XPO7: variants seen among roughly 807,000 people sequenced by gnomAD.
The protein encoded by XPO7 is exportin 7, also known as exportin-7.
XPO7 carries 21 observed loss-of-function variants against 144.3 expected under a neutral mutation model. The observed-to-expected ratio is 0.15, with a 90% CI of 0.10 to 0.21. The LOEUF (loss-of-function observed/expected upper bound fraction) is 0.21. Ranked by LOEUF, XPO7 falls within the 10% of genes least tolerant of loss-of-function variation. XPO7 has a pLI of 1.00. For missense variants in XPO7, 808 were observed against 1,325.8 expected (o/e 0.61, Z 6.06); for synonymous variants, 580 against 499.6 (o/e 1.16, Z -2.15).
intron 1 of XPO7, among the ~76,000 whole-genome samples, chr8:21,942,871 T>G (rs143918980): frequency 2.0e-5 from 3 of 152,366 alleles, no homozygotes; most frequent in Non-Finnish European, 1.5e-5. Flanking sequence ...AAGGGCAGTC[T>G]TACTTTAAAC....
At chr8:21,974,412 A>G (rs1812163147) in intron 5 of XPO7, among the ~76,000 whole-genome samples, 2 of 152,106 alleles carry the variant, frequency 1.3e-5, no homozygotes, top group Non-Finnish European at 2.9e-5. Flanking sequence ...TACAGAGGAA[A>G]ATAAGAATTT....
chr8:21,980,384 C>G (rs1450406219), intron 9 of XPO7, among the ~76,000 whole-genome samples, 181 bp downstream of exon 9: 4 of 152,126 alleles, frequency 2.6e-5, no homozygotes, highest in Non-Finnish European at 5.9e-5. Flanking sequence ...GAGCTTATAT[C>G]CTCCCGCTTC....
chr8:21,932,150 G>A (rs1810674189), intron 1 of XPO7, among the ~76,000 whole-genome samples: 1 of 152,154 alleles, frequency 6.6e-6, no homozygotes. Context: ...TTGCAGGCGT[G>A]AGCCACCACG....
intron 9 of XPO7, 72 bp from the exon 10 acceptor site, chr8:21,981,659 T>G: frequency 6.4e-7 from 1 of 1,571,104 alleles, no homozygotes; most frequent in Non-Finnish European, 8.7e-7. Flanking sequence ...CCATGCCATC[T>G]CAAGTATACA....
chr8:21,950,710 A>C (rs1358327111), intron 1 of XPO7, among the ~76,000 whole-genome samples: 1 of 152,162 alleles, frequency 6.6e-6, no homozygotes. Context: ...ATATATATTC[A>C]TATTTGTTTT....
chr8:21,956,352 CTT>C (rs1049410510), intron 1 of XPO7, among the ~76,000 whole-genome samples: 9 of 152,216 alleles, frequency 5.9e-5, no homozygotes, highest in African/African-American at 2.2e-4. Flanking sequence ...GGAATCTTCT[CTT>C]TGTCATCAGG....
At chr8:21,955,245 T>C (rs1811498193) in intron 1 of XPO7, among the ~76,000 whole-genome samples, 1 of 152,266 alleles carries the variant, frequency 6.6e-6, no homozygotes, top group African/African-American at 2.4e-5. Context: ...TAAACAACTT[T>C]CTTTTTTATG....
chr8:21,929,090 GT>G (rs1340444794), intron 1 of XPO7, among the ~76,000 whole-genome samples: 2 of 152,212 alleles, frequency 1.3e-5, no homozygotes, highest in Non-Finnish European at 2.9e-5. Flanking sequence ...ACTGCATCAA[GT>G]TCTTCAGTTG....
In XPO7 at chr8:22,001,343, G is replaced by A. The variant is rs144769841; in HGVS notation, c.2783-769G>A. Among the ~76,000 whole-genome samples, 566 of 152,068 alleles carry A rather than the reference G, an allele frequency of 3.7e-3. 2 individuals carry two copies. The highest frequency in any genetic ancestry group is 0.013 in the African/African-American group (541 of 41,472). On this transcript the variant is annotated intron_variant, in intron 24 of 27. Transcript: ENST00000252512. ...AAAAAGAAAGAAAAAGCAAGTAGAG[G>A]GACGTTTGCATAAACTATCAGTCCC...
chr8:21,990,597 T>A, intron 17 of XPO7, 190 bp downstream of exon 17: 1 of 750,784 alleles, frequency 1.3e-6, no homozygotes, highest in Non-Finnish European at 2.2e-6. Context: ...ATGATGTGAG[T>A]TATGGTGAAG....
chr8:21,972,932 T>G (rs1227135461), intron 5 of XPO7, among the ~76,000 whole-genome samples: 1 of 152,260 alleles, frequency 6.6e-6, no homozygotes, highest in Non-Finnish European at 1.5e-5. Context: ...TTGTGATCAG[T>G]AATTACCAAA....
chr8:21,968,295 G>C (rs974239583), intron 2 of XPO7, among the ~76,000 whole-genome samples: 1 of 152,186 alleles, frequency 6.6e-6, no homozygotes, highest in Non-Finnish European at 1.5e-5. Context: ...TAGAATTCTA[G>C]TTGACTTTAT....
At chr8:21,941,003 TAC>T (rs1160331650) in intron 1 of XPO7, among the ~76,000 whole-genome samples, 1 of 152,178 alleles carries the variant, frequency 6.6e-6, no homozygotes, top group East Asian at 1.9e-4. Flanking sequence ...GTAGGTAAAT[TAC>T]AGTCATGCCT....
intron 11 of XPO7, among the ~76,000 whole-genome samples, chr8:21,983,864 G>GCTC (rs994707114): frequency 2.6e-5 from 4 of 152,174 alleles, no homozygotes; most frequent in Non-Finnish European, 4.4e-5. Context: ...TCCTGCTGCT[G>GCTC]CTGCTGCTGC....
rs1435151457 is a variant in XPO7, at chr8:22,006,533, T to C, written c.*1445T>C. On this transcript the variant is annotated 3_prime_UTR_variant, in exon 28 of 28. Transcript: ENST00000252512. ...CGGATAGACTTGTAAGGGTGTTTGC[T>C]GCATACAGTGTAAGCATTGTGACCG... is the stretch of plus-strand genomic sequence containing the variant. The C allele has an allele frequency of 6.6e-6, 1 of 152,224 alleles. No individual in the cohort carries two copies. Among genetic ancestry groups the C allele is most frequent in the East Asian group, 1.9e-4 (1 of 5,196 alleles). 9.4% of individuals were successfully genotyped at this position (152,224 alleles called of 1,614,324 possible).
At chr8:21,996,054 A>AT (rs1408236624) in intron 21 of XPO7, among the ~76,000 whole-genome samples, 30 of 152,270 alleles carry the variant, frequency 2.0e-4, no homozygotes, top group African/African-American at 7.0e-4. Context: ...TGACCTCGTG[A>AT]TCCGCGTGCC....
rs1461670648 is a variant in XPO7, at chr8:21,971,894, A to G, written c.445A>G (p.Ile149Val). The G allele has an allele frequency of 6.2e-7, 1 of 1,613,400 alleles. No homozygotes were observed. Among genetic ancestry groups the G allele is most frequent in the East Asian group, 2.2e-5 (1 of 44,882 alleles). ...RFLQDSVEYC[I>V]IGVTILSQLT... ...TAACCAGGATAGTGTTGAATACTGC[A>G]TCATTGGTGTCACAATTTTATCTCA... The change falls in exon 5 of 28, where the codon ATC (isoleucine) becomes GTC (valine). Residue 149 changes from isoleucine to valine, a missense_variant. Around this residue, in one of 5 missense-constraint regions of XPO7, gnomAD observed 223 missense variants for 368.8 expected, o/e 0.60. Transcript: ENST00000252512.
intron 6 of XPO7, among the ~76,000 whole-genome samples, chr8:21,975,946 G>A (rs1211281666): frequency 6.6e-6 from 1 of 152,144 alleles, no homozygotes; most frequent in African/African-American, 2.4e-5. Context: ...AAGAAAGTAG[G>A]GCAGGGTGTT....
intron 26 of XPO7, 100 bp from the exon 27 acceptor site, chr8:22,003,803 T>A: frequency 5.2e-6 from 8 of 1,533,846 alleles, no homozygotes; most frequent in Non-Finnish European, 5.3e-6. Flanking sequence ...GACATTCCAT[T>A]CCTCCTTAGA....
Sources: allele counts gnomAD v4.1 joint callset (sites outside exome capture counted in the v4.1 genomes callset), GRCh38; gene constraint gnomAD v4.1.1; regional missense constraint gnomAD v4.1.1; transcripts MANE v1.5; gene names NCBI Gene and HGNC (gene_info 2026-07-23, HGNC 2026-07-21).